MED27: variants seen among roughly 807,000 people sequenced by gnomAD.
MED27 encodes the protein mediator of RNA polymerase II transcription subunit 27.
MED27 carries 30 observed loss-of-function variants against 38.2 expected under a neutral mutation model. The observed-to-expected ratio is 0.79, with a 90% confidence interval of 0.59 to 1.07. The LOEUF is 1.07. Ranked by LOEUF, MED27 falls within the 50% of genes least tolerant of loss-of-function variation. The probability of loss-of-function intolerance (pLI) is 0.00; values close to 1 mark genes in which losing one functional copy is unlikely to be tolerated. For synonymous variants in MED27, 122 were observed against 153.5 expected (o/e 0.79, Z 1.52); for missense variants, 289 against 397.5 (o/e 0.73, Z 2.32).
intron 3 of MED27, among the ~76,000 whole-genome samples, chr9:131,947,257 A>C (rs553425664): frequency 4.1e-4 from 62 of 152,252 alleles, no homozygotes; most frequent in African/African-American, 1.3e-3. Context: ...AACAACAGCA[A>C]CCAGAGAACT....
chr9:131,892,771 C>T (rs907983093), intron 5 of MED27, among the ~76,000 whole-genome samples: 7 of 152,278 alleles, frequency 4.6e-5, no homozygotes, highest in East Asian at 1.9e-4. Context: ...ACAAATCAGA[C>T]GCACAGACTA....
At position 131,997,056 on chromosome 9, in the gene MED27, G is replaced by A. The variant is rs1160743909; in HGVS notation, c.479+17281C>T. Among the ~76,000 whole-genome samples the A allele has an allele frequency of 6.6e-6, 1 of 152,096 alleles. No homozygotes were observed. The highest frequency in any genetic ancestry group is 2.4e-5 in the African/African-American group (1 of 41,430). ...GGGTACCCCTAACGCTGTGTTAAGG[G>A]TCAACTGTAGTTTAACAGTGGGTAT... On this transcript the variant is annotated intron_variant, in intron 3 of 7. Coordinates refer to ENST00000292035, the MANE Select transcript of MED27 (RefSeq NM_004269.4). The surrounding 1 kb of genome is among the most constrained non-coding windows in gnomAD (Gnocchi z 4.0).
rs1332137218 is a variant in MED27, at chr9:131,893,772, G to C, written c.681+113C>G. 3 of 715,964 alleles carry C rather than the reference G, an allele frequency of 4.2e-6. No homozygotes were observed. In the Admixed American group the frequency reaches 6.6e-5, roughly 16 times the overall value. 44.4% of individuals were successfully genotyped at this position (715,964 alleles called of 1,614,324 possible). A position where few individuals can be genotyped will look rare whatever the true frequency, so the allele number is the denominator to read the frequency against. On this transcript the variant is annotated intron_variant, in intron 5 of 7. Coordinates refer to ENST00000292035, the MANE Select transcript of MED27 (RefSeq NM_004269.4). ...TCCTCACACTGACAAATCTATGTTT[G>C]CTGATCATTTCCGCTATGATTGCTA...
At chr9:131,928,456 G>A (rs954585683) in intron 4 of MED27, among the ~76,000 whole-genome samples, 3 of 152,194 alleles carry the variant, frequency 2.0e-5, no homozygotes, top group African/African-American at 7.2e-5. Context: ...CACTGAAAGA[G>A]GCATTGAAAA....
chr9:131,933,195 A>G (rs1020555406), intron 4 of MED27, among the ~76,000 whole-genome samples: 5 of 152,164 alleles, frequency 3.3e-5, no homozygotes, highest in African/African-American at 9.6e-5. Flanking sequence ...CCTTTCCTCT[A>G]TGATTTAGAA....
At chr9:132,012,411 C>T (rs140852609) in intron 3 of MED27, among the ~76,000 whole-genome samples, 30 of 152,304 alleles carry the variant, frequency 2.0e-4, no homozygotes, top group African/African-American at 7.2e-4. Context: ...AATATGGCCC[C>T]TGTGCATGCA....
In MED27 at chr9:132,014,328, A is replaced by C. The variant is rs774882681; in HGVS notation, c.479+9T>G. On this transcript the variant is annotated intron_variant, in intron 3 of 7. Transcript: ENST00000292035. The stretch of plus-strand genomic sequence containing the variant: ...AGTACTAAAGTAATTTTTCAAATCC[A>C]TCACTCACTGAGGTGGTAGGACAAG... 1 of 1,608,266 alleles carries C rather than the reference A, an allele frequency of 6.2e-7. No homozygotes were observed. The highest frequency in any genetic ancestry group is 8.5e-7 in the Non-Finnish European group (1 of 1,178,300).
At chr9:131,936,974 G>A (rs1440757587) in intron 4 of MED27, among the ~76,000 whole-genome samples, 2 of 152,094 alleles carry the variant, frequency 1.3e-5, no homozygotes, top group Admixed American at 1.3e-4. Flanking sequence ...CATCAGTCTC[G>A]CTTGCCCCCA....
chr9:131,922,440 G>GTT (rs1373158889), intron 4 of MED27, among the ~76,000 whole-genome samples: 24 of 86,272 alleles, frequency 2.8e-4, no homozygotes, highest in African/African-American at 1.2e-3. Context: ...TGGCTTCTGT[G>GTT]TCTTTTTTTT....
intron 3 of MED27, among the ~76,000 whole-genome samples, chr9:131,990,948 C>T (rs188794904): frequency 3.3e-5 from 5 of 152,326 alleles, no homozygotes; most frequent in African/African-American, 1.2e-4. Flanking sequence ...ATGTAACTGG[C>T]ATTACAGGGG....
intron 3 of MED27, among the ~76,000 whole-genome samples, chr9:131,985,502 C>A (rs1396993545): frequency 6.6e-6 from 1 of 152,178 alleles, no homozygotes; most frequent in Non-Finnish European, 1.5e-5. Context: ...AAATTCCTAT[C>A]ACATAGTAGC....
intron 3 of MED27, among the ~76,000 whole-genome samples, chr9:131,988,435 C>G (rs183654598): frequency 6.6e-6 from 1 of 152,350 alleles, no homozygotes; most frequent in African/African-American, 2.4e-5. Flanking sequence ...GGCAGCAAGA[C>G]CAACCCCTCC....
rs373958313 is a variant in MED27, at chr9:131,991,774, T to C, written c.479+22563A>G. Reference sequence around the variant, plus strand: ...TCTCGCTCTGTTGCCCAGGCTGGAGTGCAGTGGCGCAATCTCCGCTCACTG... The same window carrying C: ...TCTCGCTCTGTTGCCCAGGCTGGAGCGCAGTGGCGCAATCTCCGCTCACTG... On this transcript the variant is annotated intron_variant, in intron 3 of 7. Coordinates refer to ENST00000292035, the MANE Select transcript of MED27 (RefSeq NM_004269.4). 3.9e-5 allele frequency among the ~76,000 whole-genome samples: 6 copies of C among 152,152 alleles called. No homozygotes were observed. The East Asian group carries it at 9.6e-4, about 24-fold the overall frequency.
chr9:132,025,612 CTA>C (rs1388848180), intron 2 of MED27, among the ~76,000 whole-genome samples: 2 of 152,242 alleles, frequency 1.3e-5, no homozygotes, highest in Non-Finnish European at 2.9e-5. Flanking sequence ...TTAACCAACT[CTA>C]TGACCTTGGG....
At chr9:131,973,907 C>T (rs1173689930) in intron 3 of MED27, among the ~76,000 whole-genome samples, 5 of 150,590 alleles carry the variant, frequency 3.3e-5, no homozygotes, top group Non-Finnish European at 5.9e-5. Context: ...TTAATAGAGA[C>T]GGGTTTCACC....
At chr9:131,987,379 T>C (rs1301979126) in intron 3 of MED27, among the ~76,000 whole-genome samples, 1 of 152,170 alleles carries the variant, frequency 6.6e-6, no homozygotes, top group East Asian at 1.9e-4. Context: ...TCATGCGATG[T>C]GGTGTGTCCC....
intron 4 of MED27, among the ~76,000 whole-genome samples, chr9:131,937,623 T>C (rs1297502088): frequency 6.6e-6 from 1 of 152,170 alleles, no homozygotes; most frequent in Non-Finnish European, 1.5e-5. Flanking sequence ...TTCCCTTCAA[T>C]GCCAAATCCC....
At chr9:131,907,795 T>G (rs919093307) in intron 4 of MED27, among the ~76,000 whole-genome samples, 1 of 135,326 alleles carries the variant, frequency 7.4e-6, no homozygotes, top group Non-Finnish European at 1.6e-5. Context: ...CCGGCCGCCA[T>G]CACATCTAGG....
chr9:131,938,810 T>A (rs1450937483), intron 4 of MED27, among the ~76,000 whole-genome samples: 4 of 151,606 alleles, frequency 2.6e-5, no homozygotes, highest in African/African-American at 4.9e-5. Context: ...GCCTCCCAGG[T>A]TCATGCCATT....
Sources: allele counts gnomAD v4.1 joint callset (sites outside exome capture counted in the v4.1 genomes callset), GRCh38; gene constraint gnomAD v4.1.1; non-coding constraint Gnocchi (gnomAD v3.1); transcripts MANE v1.5; gene names NCBI Gene and HGNC (gene_info 2026-07-23, HGNC 2026-07-21).